POTEC: variants seen among roughly 807,000 people sequenced by gnomAD.
POTEC encodes ANKRD26-like family B member 2.
POTEC carries 35 observed loss-of-function variants against 62.0 expected under a neutral mutation model. That is an observed-to-expected ratio of 0.56 (90% CI 0.43 to 0.75). The LOEUF (loss-of-function observed/expected upper bound fraction) is 0.75, where lower values mean the gene tolerates loss of function less well. POTEC is among the 30% of genes least tolerant of loss of function. POTEC has a pLI of 0.00. For synonymous variants in POTEC, 156 were observed against 221.5 expected (o/e 0.70, Z 2.62); for missense variants, 472 against 655.9 (o/e 0.72, Z 3.06).
chr18:14,531,892 C>T (rs940468991), intron 5 of POTEC: 2 of 151,844 alleles, frequency 1.3e-5, no homozygotes, highest in Non-Finnish European at 2.9e-5. Flanking sequence ...GAATTCTCTT[C>T]AATGGCTTCC....
intron 3 of POTEC, among the ~76,000 whole-genome samples, chr18:14,536,720 T>C (rs140441874): frequency 0.02 from 2,971 of 152,190 alleles, 52 homozygotes; most frequent in Non-Finnish European, 0.034. Flanking sequence ...ACATAAACAA[T>C]TCCCTTTATC....
chr18:14,541,251 T>A (rs1006083491), intron 1 of POTEC, among the ~76,000 whole-genome samples: 2 of 152,202 alleles, frequency 1.3e-5, no homozygotes, highest in African/African-American at 4.8e-5. Flanking sequence ...CTTAAATTCC[T>A]TCTCTTAGCA....
At chr18:14,539,123 C>G (rs1421449011) in intron 1 of POTEC, among the ~76,000 whole-genome samples, 3 of 151,944 alleles carry the variant, frequency 2.0e-5, no homozygotes, top group Non-Finnish European at 2.9e-5. Context: ...ACTTGAAATT[C>G]AAATGAATAG....
chr18:14,527,398 T>C (rs1910465661), intron 6 of POTEC, among the ~76,000 whole-genome samples: 1 of 152,106 alleles, frequency 6.6e-6, no homozygotes, highest in Admixed American at 6.6e-5. Context: ...GTCAGAACTA[T>C]GACATGAAGT....
At chr18:14,516,335 T>TATATATATATATAC (rs1308067956) in intron 9 of POTEC, among the ~76,000 whole-genome samples, 31 of 69,924 alleles carry the variant, frequency 4.4e-4, no homozygotes, top group Non-Finnish European at 7.2e-4. Context: ...TATATATATA[T>TATATATATATATAC]ACCTATACCT....
chr18:14,514,954 A>G (rs1910108878), intron 9 of POTEC, among the ~76,000 whole-genome samples: 1 of 152,228 alleles, frequency 6.6e-6, no homozygotes, highest in African/African-American at 2.4e-5. Flanking sequence ...TCCTTTTTAC[A>G]ATGGCTGCAA....
rs1910014456 is a variant in POTEC, at chr18:14,511,843, T to C, written c.*55A>G. 1 of 1,470,930 alleles carries C rather than the reference T, an allele frequency of 6.8e-7. No individual in the cohort carries two copies. Among genetic ancestry groups the C allele is most frequent in the East Asian group, 2.3e-5 (1 of 44,054 alleles). 91.1% of individuals were successfully genotyped at this position (1,470,930 alleles called of 1,614,324 possible). A position where few individuals can be genotyped will look rare whatever the true frequency, so the allele number is the denominator to read the frequency against. ...TTTATCAGTCTTTTCTTTCACACTTTCAATTTCCTCCAAAATTTTATTTTC... is the reference window on the plus strand; with the variant it reads ...TTTATCAGTCTTTTCTTTCACACTTCCAATTTCCTCCAAAATTTTATTTTC... On this transcript the variant is annotated 3_prime_UTR_variant, in exon 11 of 11. Coordinates refer to ENST00000358970, the MANE Select transcript of POTEC (RefSeq NM_001137671.2).
Position 14,509,141 on chromosome 18 carries a change from G to A in POTEC, c.*2757C>T, listed in dbSNP as rs1909925442. 6.6e-6 allele frequency: 1 copy of A among 152,314 alleles called. No individual in the cohort carries two copies. Among genetic ancestry groups the A allele is most frequent in the African/African-American group, 2.4e-5 (1 of 41,472 alleles). The allele number at this position is 152,314 out of a possible 1,614,324, so 9.4% of individuals were successfully genotyped here. A position where few individuals can be genotyped will look rare whatever the true frequency, so the allele number is the denominator to read the frequency against. ...GTGCAGCAGCTGTGGCAGAATGCTA[G>A]CAGATGCAAAAGTCCCTGCCTCCCT... On this transcript the variant is annotated 3_prime_UTR_variant, in exon 11 of 11. Transcript: ENST00000358970.
At position 14,523,453 on chromosome 18, in the gene POTEC, A is replaced by C. The variant is rs1010617710; in HGVS notation, c.1242+10T>G. On this transcript the variant is annotated intron_variant, in intron 8 of 10. Coordinates refer to ENST00000358970, the MANE Select transcript of POTEC (RefSeq NM_001137671.2). ...TAATTCAACAGAAACATTTGAACAT[A>C]AAGGTATACCTCTCTATCACAGTCC... is the stretch of plus-strand genomic sequence containing the variant. 1 of 1,566,792 alleles carries C rather than the reference A, an allele frequency of 6.4e-7. No homozygotes were observed. The highest frequency in any genetic ancestry group is 1.4e-5 in the African/African-American group (1 of 72,774).
chr18:14,528,596 A>G (rs888201336), intron 6 of POTEC, among the ~76,000 whole-genome samples: 6 of 151,992 alleles, frequency 3.9e-5, no homozygotes, highest in Non-Finnish European at 8.8e-5. Flanking sequence ...GGATTAGCCA[A>G]CCATGAAAGG....
In POTEC at chr18:14,509,595, T is replaced by C. The variant is rs1204256530; in HGVS notation, c.*2303A>G. 1 of 152,198 alleles carries C rather than the reference T, an allele frequency of 6.6e-6. No homozygotes were observed. Among genetic ancestry groups the C allele is most frequent in the Admixed American group, 6.5e-5 (1 of 15,278 alleles). The allele number at this position is 152,198 out of a possible 1,614,324, so 9.4% of individuals were successfully genotyped here. On this transcript the variant is annotated 3_prime_UTR_variant, in exon 11 of 11. Transcript: ENST00000358970. ...TAATGTGCAGGCTAGTGCGTGGCTG[T>C]AGAGGTCACCTTGCTGCAGCTCTCC...
chr18:14,511,899 T>C lies in POTEC; in HGVS notation c.1628A>G (p.Ter543TrpextTer9). Residue 543 changes from the stop codon to tryptophan, a stop_lost, in exon 11 of 11, where the codon TAG (stop) becomes TGG (tryptophan). Coordinates refer to ENST00000358970, the MANE Select transcript of POTEC (RefSeq NM_001137671.2). ...IAMLISGDWN[*>W] Reference sequence around the variant, plus strand: ...GCTGGTTCTGATGTTTTGTTTCATCTAGTTCCAGTCTCCAGAAATTAGCAT... The same window carrying C: ...GCTGGTTCTGATGTTTTGTTTCATCCAGTTCCAGTCTCCAGAAATTAGCAT... The C allele has an allele frequency of 6.2e-7, 1 of 1,613,766 alleles. No homozygotes were observed. Among genetic ancestry groups the C allele is most frequent in the Non-Finnish European group, 8.5e-7 (1 of 1,179,762 alleles).
chr18:14,508,117 C>T lies in POTEC; in HGVS notation c.*3781G>A, dbSNP rs554696366. The T allele has an allele frequency of 7.9e-5, 12 of 152,270 alleles. No homozygotes were observed. The highest frequency in any genetic ancestry group is 2.6e-4 in the African/African-American group (11 of 41,548). 9.4% of individuals were successfully genotyped at this position (152,270 alleles called of 1,614,324 possible). ...TGAAGTTGAATGTTGGCCTGTCTGG[C>T]TAGGTTGGGGACATTCTCATGAATG... On this transcript the variant is annotated 3_prime_UTR_variant, in exon 11 of 11. Transcript: ENST00000358970.
chr18:14,512,608 G>T (rs951818628), intron 10 of POTEC, among the ~76,000 whole-genome samples: 3 of 152,152 alleles, frequency 2.0e-5, no homozygotes, highest in Admixed American at 2.0e-4. Flanking sequence ...AAAAGGAGAG[G>T]TCAAAAAATA....
At chr18:14,526,848 T>C (rs1024237377) in intron 6 of POTEC, among the ~76,000 whole-genome samples, 1 of 152,130 alleles carries the variant, frequency 6.6e-6, no homozygotes, top group South Asian at 2.1e-4. Context: ...TAGATGTAGA[T>C]CATTTTAATG....
intron 3 of POTEC, among the ~76,000 whole-genome samples, chr18:14,537,191 ACACACACACACACACACAC>A (rs1598481777): frequency 6.3e-5 from 5 of 78,804 alleles, no homozygotes; most frequent in South Asian, 5.9e-4. Context: ...ACACACACAC[ACACACACACACACACACAC>A]AAAAAAAAAA....
Position 14,537,794 on chromosome 18 carries a change from T to G in POTEC, c.810+7A>C. The G allele has an allele frequency of 6.2e-7, 1 of 1,610,584 alleles. No homozygotes were observed. Among genetic ancestry groups the G allele is most frequent in the Non-Finnish European group, 8.5e-7 (1 of 1,178,932 alleles). ...GTATTTTGAAGATAAAATTGGTAGA[T>G]CTATACCTTGTTTTTTGATTCAATA... is the stretch of plus-strand genomic sequence containing the variant. On this transcript the variant is annotated splice_region_variant and intron_variant, in intron 3 of 10. Transcript: ENST00000358970.
In POTEC at chr18:14,519,903, G is replaced by A. The variant is rs1160754594; in HGVS notation, c.1409+2351C>T. Among the ~76,000 whole-genome samples, 5 of 152,146 alleles carry A rather than the reference G, an allele frequency of 3.3e-5. No individual in the cohort carries two copies. In the East Asian group the frequency reaches 5.8e-4, roughly 18 times the overall value. On this transcript the variant is annotated intron_variant, in intron 9 of 10. Coordinates refer to ENST00000358970, the MANE Select transcript of POTEC (RefSeq NM_001137671.2). ...AGCCAAGTGAAGACGCCGTTAGGGA[G>A]GAGATGTCCTCCATTGCCTCAAATA...
At chr18:14,518,254 A>G (rs549251945) in intron 9 of POTEC, among the ~76,000 whole-genome samples, 36 of 152,078 alleles carry the variant, frequency 2.4e-4, no homozygotes, top group African/African-American at 8.7e-4. Flanking sequence ...TGAGAAAAAC[A>G]CACAATAACA....
Sources: gnomAD v4.1 joint callset for allele counts (sites outside exome capture counted in the v4.1 genomes callset) on GRCh38, gnomAD v4.1.1 for gene constraint, MANE v1.5 for transcripts, NCBI Gene and HGNC (gene_info 2026-07-23, HGNC 2026-07-21) for gene names.